Variants in PPP6R2 observed in about 807,000 individuals in gnomAD.
The protein encoded by PPP6R2 is serine/threonine-protein phosphatase 6 regulatory subunit 2.
Under a neutral mutation model 100.2 loss-of-function variants are expected in PPP6R2, and 62 were observed. The ratio of observed to expected loss-of-function variants is 0.62; its 90% CI spans 0.50 to 0.76. PPP6R2 has a LOEUF of 0.76. Among genes scored for constraint, PPP6R2 ranks in the 30% least tolerant of loss-of-function variants. PPP6R2 has a pLI of 0.00. For synonymous variants in PPP6R2, 525 were observed against 514.7 expected, an observed-to-expected ratio of 1.02 and a Z score of -0.27; for missense variants, 1,142 against 1,276.3, an observed-to-expected ratio of 0.89 and a Z score of 1.60.
At chr22:50,357,868 T>A (rs2046944644) in intron 1 of PPP6R2, among the ~76,000 whole-genome samples, 1 of 151,824 alleles carries the variant, frequency 6.6e-6, no homozygotes, top group Non-Finnish European at 1.5e-5. Flanking sequence ...TCGTGATTCG[T>A]CCTCCTTGGC....
rs575171055 is a variant in PPP6R2, at chr22:50,434,686, G to T, written c.1401-280G>T. 2.0e-3 allele frequency among the ~76,000 whole-genome samples: 191 copies of T among 96,946 alleles called. 28 individuals carry two copies. The highest frequency in any genetic ancestry group is 8.2e-3 in the African/African-American group (188 of 23,054). 63.6% of individuals were successfully genotyped at this position (96,946 alleles called of 152,430 possible). On this transcript the variant is annotated intron_variant, in intron 12 of 23. Transcript: ENST00000612753. ...GGGGCCGGGCACTTGCCCTGGAGGT[G>T]AACCTGGAGGAGGGCCGGGTGCGCG... is the stretch of plus-strand genomic sequence containing the variant.
intron 4 of PPP6R2, among the ~76,000 whole-genome samples, chr22:50,410,340 C>T (rs1453104207): frequency 6.6e-6 from 1 of 152,182 alleles, no homozygotes; most frequent in Admixed American, 6.6e-5. Context: ...ACCACAGCAG[C>T]ACAGCTGGTA....
chr22:50,331,710 C>A, the PPP6R2 span, among the ~76,000 whole-genome samples: 1 of 152,250 alleles, frequency 6.6e-6, no homozygotes, highest in African/African-American at 2.4e-5. Flanking sequence ...GCAACCTCTG[C>A]CTCCCGAGTT....
chr22:50,357,198 C>G (rs1602219797), intron 1 of PPP6R2, among the ~76,000 whole-genome samples: 1 of 152,228 alleles, frequency 6.6e-6, no homozygotes, highest in East Asian at 1.9e-4. Flanking sequence ...TCTATTCATG[C>G]TTTTACCCAC....
intron 1 of PPP6R2, among the ~76,000 whole-genome samples, chr22:50,348,174 A>G (rs1205531275): frequency 6.6e-6 from 1 of 152,138 alleles, no homozygotes; most frequent in Non-Finnish European, 1.5e-5. Flanking sequence ...TGGTTTTCTC[A>G]TTAAGCCGTT....
At chr22:50,370,926 C>G (rs1217200461) in intron 1 of PPP6R2, among the ~76,000 whole-genome samples, 1 of 149,534 alleles carries the variant, frequency 6.7e-6, no homozygotes, top group Non-Finnish European at 1.5e-5. Flanking sequence ...GCCACTGCCC[C>G]CAGCCACAAA....
rs565199081 is a variant in PPP6R2 at position 50,403,367 on chromosome 22, G to A, written c.228-3322G>A. ...TCACCGGTCTTAGTGTTAGAGATCT[G>A]GTAGACCTGGGGCCTCACTGTGGCC... On this transcript the variant is annotated intron_variant, in intron 3 of 23. Coordinates refer to ENST00000612753, the MANE Select transcript of PPP6R2 (RefSeq NM_001242898.2). Among the ~76,000 whole-genome samples, 189 of 152,262 alleles carry A rather than the reference G, an allele frequency of 1.2e-3. 1 individual carries two copies. Among genetic ancestry groups the A allele is most frequent in the African/African-American group, 4.3e-3 (180 of 41,554 alleles).
upstream of PPP6R2, among the ~76,000 whole-genome samples, chr22:50,340,504 GGT>G (rs768201989): frequency 0.023 from 2,091 of 92,034 alleles, 31 homozygotes; most frequent in South Asian, 0.051. Context: ...TGTAGGGTGT[GGT>G]GTGTGTGTGG....
chr22:50,396,426 T>C (rs73172205), intron 3 of PPP6R2, among the ~76,000 whole-genome samples: 25,944 of 147,518 alleles, frequency 0.18, 2,811 homozygotes, highest in Non-Finnish European at 0.25. Context: ...ACCTGGGAGG[T>C]AGAGGTTTCA....
intron 13 of PPP6R2, among the ~76,000 whole-genome samples, chr22:50,435,793 T>C (rs1367774977): frequency 6.6e-6 from 1 of 152,010 alleles, no homozygotes; most frequent in Non-Finnish European, 1.5e-5. Context: ...GCAAAGTAGA[T>C]GGGTGGAGGT....
intron 8 of PPP6R2, among the ~76,000 whole-genome samples, chr22:50,420,618 G>A (rs1262709430): frequency 4.6e-5 from 7 of 152,210 alleles, no homozygotes; most frequent in African/African-American, 9.7e-5. Flanking sequence ...TGCCAGAGCC[G>A]TTCAAGCAGT....
rs1422198824 is a variant in PPP6R2 at position 50,397,739 on chromosome 22, G to GC, written c.227+3604_227+3605insC. On this transcript the variant is annotated intron_variant, in intron 3 of 23. Coordinates refer to ENST00000612753, the MANE Select transcript of PPP6R2 (RefSeq NM_001242898.2). Reference sequence around the variant, plus strand: ...TCATCTCTGAGCTTTTCTCTGAGGAGAGTGTGACTTGGGATGGGGGCGGGG... The same window carrying GC: ...TCATCTCTGAGCTTTTCTCTGAGGAGCAGTGTGACTTGGGATGGGGGCGGGG... Among the ~76,000 whole-genome samples the GC allele has an allele frequency of 4.7e-3, 2 of 426 alleles. 1 individual carries two copies. The allele number at this position is 426 out of a possible 152,430, so 0.3% of individuals were successfully genotyped here.
the PPP6R2 span, among the ~76,000 whole-genome samples, chr22:50,332,239 T>C: frequency 2.6e-5 from 4 of 151,990 alleles, no homozygotes; most frequent in South Asian, 8.3e-4. Flanking sequence ...AGATTTTTTT[T>C]TTTTTTGAGA....
chr22:50,409,022 G>A (rs549970370), intron 4 of PPP6R2, among the ~76,000 whole-genome samples: 10 of 152,328 alleles, frequency 6.6e-5, no homozygotes, highest in Non-Finnish European at 1.5e-4. Flanking sequence ...GCTGAGGCAG[G>A]AGAATCACTT....
intron 10 of PPP6R2, among the ~76,000 whole-genome samples, chr22:50,428,518 C>T (rs2062591900): frequency 6.6e-6 from 1 of 152,008 alleles, no homozygotes; most frequent in South Asian, 2.1e-4. Flanking sequence ...TAAGACCAGC[C>T]TGGGCAACAT....
At chr22:50,369,493 C>T (rs1448129020) in intron 1 of PPP6R2, among the ~76,000 whole-genome samples, 1 of 151,914 alleles carries the variant, frequency 6.6e-6, no homozygotes, top group Non-Finnish European at 1.5e-5. Flanking sequence ...ACCCAAGCTG[C>T]AGTACAGTAG....
chr22:50,375,386 C>T (rs1470665718), intron 2 of PPP6R2, among the ~76,000 whole-genome samples: 2 of 152,116 alleles, frequency 1.3e-5, no homozygotes, highest in East Asian at 3.8e-4. Context: ...TGCTTTTGTC[C>T]TGAGGGCATT....
chr22:50,393,267 T>C (rs548329426), intron 2 of PPP6R2: 1 of 425,534 alleles, frequency 2.3e-6, no homozygotes, highest in South Asian at 9.9e-5. Context: ...CTGGGTGTGA[T>C]TCAGCAAGAT....
At chr22:50,381,219 C>T (rs990068096) in intron 2 of PPP6R2, among the ~76,000 whole-genome samples, 2 of 151,816 alleles carry the variant, frequency 1.3e-5, no homozygotes, top group South Asian at 2.1e-4. Context: ...CCAGGCTCCA[C>T]CTCAGCATGG....
Sources: gnomAD v4.1 joint callset for allele counts (sites outside exome capture counted in the v4.1 genomes callset) on GRCh38, gnomAD v4.1.1 for gene constraint, MANE v1.5 for transcripts, NCBI Gene and HGNC (gene_info 2026-07-23, HGNC 2026-07-21) for gene names.